Variants in YAP1 observed in about 807,000 individuals in gnomAD.
YAP1 encodes Yes1 associated transcriptional regulator.
In YAP1, 5 loss-of-function variants were observed where a neutral mutation model predicts 56.9. The ratio of observed to expected loss-of-function variants is 0.09; its 90% CI spans 0.05 to 0.18. The LOEUF (loss-of-function observed/expected upper bound fraction) is 0.18. YAP1 is among the 10% of genes least tolerant of loss of function. The pLI is 1.00. For synonymous variants in YAP1, 265 were observed against 248.1 expected (o/e 1.07, Z -0.64); for missense variants, 539 against 651.8 (o/e 0.83, Z 1.88).
At position 102,217,360 on chromosome 11, in the gene YAP1, T is replaced by A. The variant is rs1327427790; in HGVS notation, c.1033-6262T>A. On this transcript the variant is annotated intron_variant, in intron 6 of 8. Transcript: ENST00000282441. ...ACTTAGAATATTTTTAAGGTTTTTT[T>A]AAATTTTTAGAGTATCCAAGAGAAA... Among the ~76,000 whole-genome samples, 5 of 152,360 alleles carry A rather than the reference T, an allele frequency of 3.3e-5. No homozygotes were observed. The East Asian group carries it at 5.8e-4, about 18-fold the overall frequency.
intron 3 of YAP1, among the ~76,000 whole-genome samples, chr11:102,184,004 G>A (rs1457122103): frequency 2.7e-5 from 4 of 149,878 alleles, no homozygotes; most frequent in African/African-American, 7.4e-5. Flanking sequence ...GTGAACCCGG[G>A]AGGCGGAGCT....
chr11:102,111,588 C>A (rs1022254690), intron 1 of YAP1, among the ~76,000 whole-genome samples: 1 of 151,652 alleles, frequency 6.6e-6, no homozygotes, highest in Non-Finnish European at 1.5e-5. Flanking sequence ...CACCTTCGCT[C>A]CCGCCGGGCC....
At chr11:102,112,944 A>G (rs1410609253) in intron 1 of YAP1, among the ~76,000 whole-genome samples, 1 of 152,240 alleles carries the variant, frequency 6.6e-6, no homozygotes, top group Non-Finnish European at 1.5e-5. Context: ...AATTTTTACA[A>G]GAATTTATAT....
At chr11:102,172,274 G>A (rs370500240) in intron 3 of YAP1, among the ~76,000 whole-genome samples, 1 of 148,376 alleles carries the variant, frequency 6.7e-6, no homozygotes, top group East Asian at 2.0e-4. Flanking sequence ...ACATGAGTCA[G>A]TAGTGGAAAG....
chr11:102,186,451 C>A, intron 4 of YAP1: 1 of 303,318 alleles, frequency 3.3e-6, no homozygotes, highest in Non-Finnish European at 6.2e-6. Flanking sequence ...TTTTTAGCTG[C>A]AATAATAATC....
intron 6 of YAP1, 53 bp from the exon 7 acceptor site, chr11:102,223,569 C>T: frequency 6.3e-7 from 1 of 1,584,584 alleles, no homozygotes. Flanking sequence ...TTAAACCTAA[C>T]ATTAAATGTG....
intron 4 of YAP1, chr11:102,186,358 G>A: frequency 2.4e-6 from 1 of 424,896 alleles, no homozygotes; most frequent in South Asian, 2.7e-5. Context: ...GTGGGGGAAT[G>A]TCATAATGGC....
At chr11:102,114,852 G>A (rs1395470164) in intron 2 of YAP1, among the ~76,000 whole-genome samples, 1 of 152,146 alleles carries the variant, frequency 6.6e-6, no homozygotes, top group African/African-American at 2.4e-5. Flanking sequence ...TTTTGGGGGA[G>A]TCTAATTTTA....
At chr11:102,182,878 G>A (rs1362739949) in intron 3 of YAP1, among the ~76,000 whole-genome samples, 1 of 152,116 alleles carries the variant, frequency 6.6e-6, no homozygotes, top group Admixed American at 6.6e-5. Flanking sequence ...TTTGTATTTG[G>A]TATATATGTG....
At chr11:102,134,276 A>G (rs1944540260) in intron 2 of YAP1, among the ~76,000 whole-genome samples, 1 of 152,100 alleles carries the variant, frequency 6.6e-6, no homozygotes, top group Non-Finnish European at 1.5e-5. Context: ...AAGATGCTAG[A>G]TTAGTACCTT....
At chr11:102,124,068 T>C (rs1591139485) in intron 2 of YAP1, among the ~76,000 whole-genome samples, 1 of 151,964 alleles carries the variant, frequency 6.6e-6, no homozygotes, top group South Asian at 2.1e-4. Context: ...TCTCCTGCCT[T>C]AGCCTCCTGA....
intron 2 of YAP1, among the ~76,000 whole-genome samples, chr11:102,125,638 C>G (rs1289219925): frequency 6.6e-6 from 1 of 152,060 alleles, no homozygotes; most frequent in Non-Finnish European, 1.5e-5. Flanking sequence ...CTCAGCCTCC[C>G]AAAGTGCTGG....
chr11:102,171,321 T>A (rs1446852858), intron 3 of YAP1, among the ~76,000 whole-genome samples: 3 of 152,224 alleles, frequency 2.0e-5, no homozygotes, highest in African/African-American at 7.2e-5. Context: ...AAGATTAAGA[T>A]GCTAATTCTT....
rs1950373847 is a variant in YAP1 at position 102,229,804 on chromosome 11, G to A, written c.1379G>A (p.Gly460Glu). The change falls in exon 9 of 9, where the codon GGA (glycine) becomes GAA (glutamate). Residue 460 changes from glycine to glutamate, a missense_variant. Transcript: ENST00000282441. Reference sequence around the variant, plus strand: ...AATGTGGACCTTGGAACACTGGAAGGAGATGGAATGAACATAGAAGGAGAG... The same window carrying A: ...AATGTGGACCTTGGAACACTGGAAGAAGATGGAATGAACATAGAAGGAGAG... Reference protein sequence around the residue: ...GTNVDLGTLEGDGMNIEGEEL... With the variant: ...GTNVDLGTLEEDGMNIEGEEL... The A allele has an allele frequency of 3.1e-6, 5 of 1,614,148 alleles. No homozygotes were observed. The highest frequency in any genetic ancestry group is 3.4e-6 in the Non-Finnish European group (4 of 1,180,020).
intron 2 of YAP1, among the ~76,000 whole-genome samples, chr11:102,136,548 T>G (rs900010161): frequency 1.3e-5 from 2 of 152,056 alleles, no homozygotes; most frequent in African/African-American, 2.4e-5. Flanking sequence ...AGATGGAGTT[T>G]CACCATGTTG....
chr11:102,152,513 C>A (rs1484925978), intron 2 of YAP1, among the ~76,000 whole-genome samples: 1 of 152,118 alleles, frequency 6.6e-6, no homozygotes, highest in Non-Finnish European at 1.5e-5. Flanking sequence ...GTGTTTTAGT[C>A]TTATTGTGGG....
rs1485387359 is a variant in YAP1 at position 102,180,701 on chromosome 11, AAG to A, written c.689-5315_689-5314del. On this transcript the variant is annotated intron_variant, in intron 3 of 8. Coordinates refer to ENST00000282441, the MANE Select transcript of YAP1 (RefSeq NM_001130145.3). ...CATCTCAAAAAAAAAAAAAAAAAAAAAGAAGATCAAAACAAAAATAATAATAC... is the reference window on the plus strand; with the variant it reads ...CATCTCAAAAAAAAAAAAAAAAAAAAAAGATCAAAACAAAAATAATAATAC... Among the ~76,000 whole-genome samples the A allele has an allele frequency of 1.1e-4, 17 of 150,572 alleles. No homozygotes were observed. In the East Asian group the frequency reaches 1.2e-3, roughly 10 times the overall value.
chr11:102,191,148 T>G (rs1948257857), intron 4 of YAP1, among the ~76,000 whole-genome samples: 1 of 150,224 alleles, frequency 6.7e-6, no homozygotes, highest in African/African-American at 2.5e-5. Flanking sequence ...CACTCCAGCC[T>G]GGGCAACAGA....
chr11:102,161,053 CTTTTTTTTTTTTTTT>C (rs67023819), intron 2 of YAP1, among the ~76,000 whole-genome samples: 5 of 75,492 alleles, frequency 6.6e-5, no homozygotes, highest in Non-Finnish European at 1.2e-4. Flanking sequence ...TAATTTCTTT[CTTTTTTTTTTTTTTT>C]TTTTTTTTTT....
Sources: gnomAD v4.1 joint callset for allele counts (sites outside exome capture counted in the v4.1 genomes callset) on GRCh38, gnomAD v4.1.1 for gene constraint, MANE v1.5 for transcripts, NCBI Gene and HGNC (gene_info 2026-07-23, HGNC 2026-07-21) for gene names.